PDZK1: variants seen among roughly 807,000 people sequenced by gnomAD.
PDZK1 encodes Na(+)/H(+) exchange regulatory cofactor NHE-RF3.
PDZK1 carries 23 observed loss-of-function variants against 38.1 expected under a neutral mutation model. The observed-to-expected ratio is 0.60, with a 90% CI of 0.43 to 0.85. The LOEUF (loss-of-function observed/expected upper bound fraction) is 0.85. PDZK1 is among the 40% of genes least tolerant of loss of function. PDZK1 has a pLI of 0.00. For missense variants in PDZK1, 297 were observed against 504.3 expected (o/e 0.59, Z 3.94); for synonymous variants, 98 against 186.2 (o/e 0.53, Z 3.86).
intron 1 of PDZK1, among the ~76,000 whole-genome samples, chr1:145,696,267 C>T (rs1445999370): frequency 6.6e-6 from 1 of 152,228 alleles, no homozygotes; most frequent in Non-Finnish European, 1.5e-5. Flanking sequence ...CAGCTGTATA[C>T]TTTCCCTGAA....
At chr1:145,683,116 C>T (rs1262119028) in intron 3 of PDZK1, among the ~76,000 whole-genome samples, 1 of 152,174 alleles carries the variant, frequency 6.6e-6, no homozygotes, top group African/African-American at 2.4e-5. Flanking sequence ...AAGAAAAACT[C>T]GAAATCCAAT....
chr1:145,678,828 G>A (rs1653965662), intron 5 of PDZK1, among the ~76,000 whole-genome samples, 183 bp from the exon 6 acceptor site: 1 of 143,864 alleles, frequency 7.0e-6, no homozygotes, highest in African/African-American at 2.5e-5. Flanking sequence ...CTCGTTTCCT[G>A]CTCAGAACTC....
chr1:145,701,954 T>A (rs782068775), intron 1 of PDZK1, among the ~76,000 whole-genome samples: 22 of 152,216 alleles, frequency 1.4e-4, no homozygotes, highest in Non-Finnish European at 2.6e-4. Context: ...TTACTTTAAA[T>A]AATTAATATC....
intron 6 of PDZK1, among the ~76,000 whole-genome samples, chr1:145,677,095 A>G (rs782423028): frequency 9.2e-5 from 14 of 152,204 alleles, no homozygotes; most frequent in Non-Finnish European, 1.9e-4. Flanking sequence ...CCAAGTAAGT[A>G]CAGTAAGATG....
chr1:145,693,910 T>G (rs1553703761), intron 1 of PDZK1, among the ~76,000 whole-genome samples: 1 of 152,104 alleles, frequency 6.6e-6, no homozygotes, highest in African/African-American at 2.4e-5. Flanking sequence ...CTCACCTTTA[T>G]CCAACTTGAC....
intron 6 of PDZK1, among the ~76,000 whole-genome samples, chr1:145,678,067 A>G (rs1342874314): frequency 1.9e-5 from 2 of 105,228 alleles, no homozygotes; most frequent in East Asian, 5.4e-4. Context: ...CAAGTTGTTT[A>G]ATAATCCTTT....
At chr1:145,685,704 G>T (rs1233762735) in intron 3 of PDZK1, among the ~76,000 whole-genome samples, 2 of 152,206 alleles carry the variant, frequency 1.3e-5, no homozygotes, top group Non-Finnish European at 2.9e-5. Flanking sequence ...CATAGGCAGA[G>T]GCAGTGTTCA....
chr1:145,676,640 C>T (rs1204563468), intron 6 of PDZK1, among the ~76,000 whole-genome samples: 17 of 148,550 alleles, frequency 1.1e-4, no homozygotes, highest in African/African-American at 4.0e-4. Flanking sequence ...GCAGGGGAAT[C>T]GCTTGAACCC....
intron 1 of PDZK1, 63 bp from the exon 2 acceptor site, chr1:145,688,086 C>G: frequency 7.7e-7 from 1 of 1,298,516 alleles, no homozygotes; most frequent in South Asian, 1.2e-5. Context: ...AGTGAGAACC[C>G]CATCCTCCAT....
chr1:145,701,118 T>C (rs1655934965), intron 1 of PDZK1, among the ~76,000 whole-genome samples: 1 of 151,748 alleles, frequency 6.6e-6, no homozygotes, highest in Non-Finnish European at 1.5e-5. Context: ...GACAGGAGAA[T>C]TGCTTGAACC....
rs1213887292 is a variant in PDZK1 at position 145,684,622 on chromosome 1, C to A, written c.460+1855G>T. On this transcript the variant is annotated intron_variant, in intron 3 of 8. Coordinates refer to ENST00000417171, the MANE Select transcript of PDZK1 (RefSeq NM_001201325.2). ...ATCAGGGTGTAATATTTAGGACATC[C>A]ATCCTTGAACATTTATCATTTCTTT... Among the ~76,000 whole-genome samples the A allele has an allele frequency of 3.3e-5, 5 of 152,134 alleles. No homozygotes were observed. In the East Asian group the frequency reaches 7.7e-4, roughly 24 times the overall value.
intron 1 of PDZK1, among the ~76,000 whole-genome samples, chr1:145,705,063 A>G (rs2101943556): frequency 6.6e-6 from 1 of 152,320 alleles, no homozygotes; most frequent in East Asian, 1.9e-4. Context: ...TTGAAGCTTA[A>G]CATCTGGCAA....
chr1:145,689,855 C>G (rs1261133763), intron 1 of PDZK1, among the ~76,000 whole-genome samples: 2 of 152,184 alleles, frequency 1.3e-5, no homozygotes. Flanking sequence ...CATCCCTGAC[C>G]TTCATGCCCA....
chr1:145,704,846 T>C (rs1233130530), intron 1 of PDZK1, among the ~76,000 whole-genome samples: 1 of 152,220 alleles, frequency 6.6e-6, no homozygotes, highest in Non-Finnish European at 1.5e-5. Flanking sequence ...GATTAGACCC[T>C]GGACTTCAGA....
At position 145,704,685 on chromosome 1, in the gene PDZK1, G is replaced by T. The variant is rs587600283; in HGVS notation, c.-3+2632C>A. 2.0e-3 allele frequency among the ~76,000 whole-genome samples: 299 copies of T among 152,232 alleles called. 1 individual carries two copies. Among genetic ancestry groups the T allele is most frequent in the Non-Finnish European group, 9.9e-4 (67 of 68,012 alleles). On this transcript the variant is annotated intron_variant, in intron 1 of 8. Transcript: ENST00000417171. Reference sequence around the variant, plus strand: ...TCAGGCAAAGAGATTAAGGAAATCTGGGCAGTCCCTCATGAAGGACCAAAG... The same window carrying T: ...TCAGGCAAAGAGATTAAGGAAATCTTGGCAGTCCCTCATGAAGGACCAAAG...
At chr1:145,700,391 G>A (rs1043965984) in intron 1 of PDZK1, among the ~76,000 whole-genome samples, 3 of 152,154 alleles carry the variant, frequency 2.0e-5, no homozygotes, top group African/African-American at 4.8e-5. Flanking sequence ...GAGTTCCACC[G>A]CCTGGAGTGG....
At chr1:145,706,484 T>C (rs1656255453) in intron 1 of PDZK1, among the ~76,000 whole-genome samples, 1 of 152,168 alleles carries the variant, frequency 6.6e-6, no homozygotes, top group Admixed American at 6.5e-5. Context: ...GGTGACACAT[T>C]GCAGAGATTT....
intron 1 of PDZK1, among the ~76,000 whole-genome samples, chr1:145,699,195 G>A (rs60009588): frequency 0.011 from 1,597 of 150,378 alleles, 34 homozygotes; most frequent in African/African-American, 0.037. Context: ...CTGAGATCAC[G>A]CCATTACACT....
At chr1:145,690,551 A>T (rs1553702936) in intron 1 of PDZK1, among the ~76,000 whole-genome samples, 1 of 152,212 alleles carries the variant, frequency 6.6e-6, no homozygotes, top group Non-Finnish European at 1.5e-5. Context: ...AAAATTTAAA[A>T]TATGTCCTTA....
Sources: gnomAD v4.1 joint callset for allele counts (sites outside exome capture counted in the v4.1 genomes callset) on GRCh38, gnomAD v4.1.1 for gene constraint, MANE v1.5 for transcripts, NCBI Gene and HGNC (gene_info 2026-07-23, HGNC 2026-07-21) for gene names.